Variants in PCSK2 observed in about 807,000 individuals in gnomAD.
The protein encoded by PCSK2 is proprotein convertase subtilisin/kexin type 2.
A neutral mutation model predicts 69.7 loss-of-function variants in PCSK2; 14 were observed. The ratio of observed to expected loss-of-function variants is 0.20; its 90% CI spans 0.13 to 0.31. The LOEUF is 0.31. PCSK2 is among the 10% of genes least tolerant of loss of function. The pLI is 1.00. For synonymous variants in PCSK2, 307 were observed against 320.7 expected (o/e 0.96, Z 0.46); for missense variants, 544 against 842.5 (o/e 0.65, Z 4.39).
At chr20:17,293,536 T>C (rs1988767542) in intron 2 of PCSK2, among the ~76,000 whole-genome samples, 1 of 152,234 alleles carries the variant, frequency 6.6e-6, no homozygotes, top group South Asian at 2.1e-4. Context: ...GGAAATTTTA[T>C]CAACTATATC....
Position 17,369,270 on chromosome 20 carries a change from C to T in PCSK2, c.536C>T (p.Ser179Phe), listed in dbSNP as rs769108124. ...GACTATCTCCACCCGGACCTGGCCT[C>T]CAACTATGTAAGTACAAGCCAACTT... ...GIDYLHPDLA[S>F]NYNAEASYDF... Residue 179 changes from serine to phenylalanine, a missense_variant, in exon 5 of 12, where the codon TCC becomes TTC. Transcript: ENST00000262545. 1.2e-6 allele frequency: 2 copies of T among 1,613,778 alleles called. No homozygotes were observed. The highest frequency in any genetic ancestry group is 4.5e-5 in the East Asian group (2 of 44,862).
At position 17,465,149 on chromosome 20, in the gene PCSK2, A is replaced by G. The variant is rs1163092903; in HGVS notation, c.1203-177A>G. 4.6e-6 allele frequency: 3 copies of G among 654,906 alleles called. No homozygotes were observed. In the Admixed American group the frequency reaches 6.7e-5, roughly 15 times the overall value. The allele number at this position is 654,906 out of a possible 1,614,324, so 40.6% of individuals were successfully genotyped here. A position where few individuals can be genotyped will look rare whatever the true frequency, so the allele number is the denominator to read the frequency against. ...AAGAAGATTTCTTTAATTGACTTAT[A>G]TAGTGGTTTTGAATGGTGCATGGAC... is the stretch of plus-strand genomic sequence containing the variant. On this transcript the variant is annotated intron_variant, in intron 10 of 11. Coordinates refer to ENST00000262545, the MANE Select transcript of PCSK2 (RefSeq NM_002594.5).
rs57135582 is a variant in PCSK2 at position 17,324,406 on chromosome 20, G to T, written c.283-33921G>T. ...CACCTACCTACCTATTCTTATCAGG[G>T]TTCTTAGGTTTAACAACAGAAGTAG... On this transcript the variant is annotated intron_variant, in intron 2 of 11. Transcript: ENST00000262545. 7.5e-3 allele frequency among the ~76,000 whole-genome samples: 1,144 copies of T among 152,210 alleles called. 11 individuals are homozygous for T. Among genetic ancestry groups the T allele is most frequent in the African/African-American group, 0.027 (1,102 of 41,512 alleles).
chr20:17,375,825 T>C (rs958532592), intron 5 of PCSK2, among the ~76,000 whole-genome samples: 10 of 152,154 alleles, frequency 6.6e-5, no homozygotes, highest in Admixed American at 5.9e-4. Context: ...GTGCAGCAAA[T>C]ACAGAAGTTT....
At chr20:17,462,974 A>G (rs1273685500) in intron 10 of PCSK2, among the ~76,000 whole-genome samples, 1 of 152,268 alleles carries the variant, frequency 6.6e-6, no homozygotes, top group Admixed American at 6.5e-5. Context: ...TAAATCATTC[A>G]GAAGGGATAC....
intron 6 of PCSK2, among the ~76,000 whole-genome samples, chr20:17,420,816 A>T (rs1330897632): frequency 6.6e-6 from 1 of 152,208 alleles, no homozygotes; most frequent in Non-Finnish European, 1.5e-5. Context: ...CTTATCTATA[A>T]ACAGGGACTA....
intron 2 of PCSK2, among the ~76,000 whole-genome samples, chr20:17,327,291 C>T (rs1452995078): frequency 6.6e-6 from 1 of 152,280 alleles, no homozygotes; most frequent in African/African-American, 2.4e-5. Flanking sequence ...CTTGTAAATG[C>T]TGTGTCAATC....
At chr20:17,373,213 A>G (rs1273415415) in intron 5 of PCSK2, among the ~76,000 whole-genome samples, 1 of 152,166 alleles carries the variant, frequency 6.6e-6, no homozygotes, top group African/African-American at 2.4e-5. Context: ...CCGGGAAGGA[A>G]AGGTAGCTTG....
intron 1 of PCSK2, among the ~76,000 whole-genome samples, chr20:17,246,551 G>A (rs1224861945): frequency 6.6e-6 from 1 of 152,114 alleles, no homozygotes; most frequent in Non-Finnish European, 1.5e-5. Context: ...AACCAAGAGA[G>A]GTTCCATGTT....
intron 2 of PCSK2, among the ~76,000 whole-genome samples, chr20:17,267,746 G>C (rs950094822): frequency 6.6e-6 from 1 of 152,072 alleles, no homozygotes; most frequent in South Asian, 2.1e-4. Context: ...TCTCTGGGAG[G>C]CATCATGCTA....
chr20:17,270,221 A>G (rs906408692), intron 2 of PCSK2, among the ~76,000 whole-genome samples: 1 of 151,954 alleles, frequency 6.6e-6, no homozygotes, highest in Admixed American at 6.6e-5. Context: ...ACTCTTTAGA[A>G]CTCTTTCTGG....
chr20:17,253,642 C>A (rs570506682), intron 1 of PCSK2, among the ~76,000 whole-genome samples: 23 of 152,194 alleles, frequency 1.5e-4, no homozygotes, highest in African/African-American at 4.8e-4. Context: ...TAGTTTTTGA[C>A]TATCATGAAT....
intron 2 of PCSK2, among the ~76,000 whole-genome samples, chr20:17,321,751 T>TTTGACTAACCTCTAATTGATTCCG (rs1989875620): frequency 6.6e-6 from 1 of 152,086 alleles, no homozygotes. Context: ...TGAAAAAACC[T>TTTGACTAACCTCTAATTGATTCCG]TTGACTAACC....
In PCSK2 at chr20:17,385,050, A is replaced by G. The variant is rs538252621; in HGVS notation, c.543+15773A>G. On this transcript the variant is annotated intron_variant, in intron 5 of 11. Transcript: ENST00000262545. ...ATTCTGGCCACCTGTTTTTGTAAATAAAGTTTTATCGGAACGCAGCCATGC... is the reference window on the plus strand; with the variant it reads ...ATTCTGGCCACCTGTTTTTGTAAATGAAGTTTTATCGGAACGCAGCCATGC... 2.0e-5 allele frequency among the ~76,000 whole-genome samples: 3 copies of G among 152,352 alleles called. No individual in the cohort carries two copies. In the South Asian group the frequency reaches 6.2e-4, roughly 32 times the overall value.
chr20:17,456,184 T>C (rs2032917485), intron 9 of PCSK2, among the ~76,000 whole-genome samples, 164 bp from the exon 10 acceptor site: 1 of 152,124 alleles, frequency 6.6e-6, no homozygotes, highest in Non-Finnish European at 1.5e-5. Flanking sequence ...GAGGTTGCCA[T>C]GAGCCAAGAT....
At chr20:17,306,630 C>T (rs748356045) in intron 2 of PCSK2, among the ~76,000 whole-genome samples, 13 of 152,182 alleles carry the variant, frequency 8.5e-5, no homozygotes, top group Non-Finnish European at 1.3e-4. Context: ...CTCAGTGCCT[C>T]GCAGTACCCT....
intron 8 of PCSK2, among the ~76,000 whole-genome samples, chr20:17,443,864 C>A (rs6034829): frequency 1.3e-5 from 2 of 152,104 alleles, no homozygotes; most frequent in Admixed American, 1.3e-4. Flanking sequence ...CTTCAGATGA[C>A]AGCAAGTACA....
intron 2 of PCSK2, among the ~76,000 whole-genome samples, chr20:17,288,692 A>G (rs1278322324): frequency 6.6e-6 from 1 of 152,218 alleles, no homozygotes; most frequent in Non-Finnish European, 1.5e-5. Context: ...CACACAGAAG[A>G]AAGACCACAA....
intron 2 of PCSK2, among the ~76,000 whole-genome samples, chr20:17,330,047 T>G (rs1000185915): frequency 1.3e-5 from 2 of 152,224 alleles, no homozygotes; most frequent in African/African-American, 4.8e-5. Flanking sequence ...AATATATTTA[T>G]GTAACATAGT....
Sources: allele counts gnomAD v4.1 joint callset (sites outside exome capture counted in the v4.1 genomes callset), GRCh38; gene constraint gnomAD v4.1.1; transcripts MANE v1.5; gene names NCBI Gene and HGNC (gene_info 2026-07-23, HGNC 2026-07-21).